The following MMP9 variants were observed in gnomAD, a reference collection of about 807,000 sequenced individuals.
MMP9 encodes the protein matrix metalloproteinase-9.
A neutral mutation model predicts 76.4 loss-of-function variants in MMP9; 73 were observed. That is an observed-to-expected ratio of 0.96 (90% CI 0.79 to 1.16). The LOEUF is 1.16. MMP9 is among the 50% of genes most tolerant of loss of function. The probability of loss-of-function intolerance (pLI) is 0.00; values close to 1 mark genes in which losing one functional copy is unlikely to be tolerated. For missense variants in MMP9, 943 were observed against 973.0 expected, an observed-to-expected ratio of 0.97 and a Z score of 0.41; for synonymous variants, 412 against 408.4, an observed-to-expected ratio of 1.01 and a Z score of -0.11.
In MMP9 at chr20:46,013,828, T is replaced by C. The variant is rs533464744; in HGVS notation, c.1750+32T>C. On this transcript the variant is annotated intron_variant, in intron 10 of 12. Transcript: ENST00000372330. The surrounding 1 kb of genome is among the most constrained non-coding windows in gnomAD (Gnocchi z 4.5). ...TACCTACTTTCCCTCCCCCGCCCGG[T>C]CAATCCCCATCAGTCAAGGAGGCTC... The C allele has an allele frequency of 8.7e-6, 14 of 1,610,524 alleles. No homozygotes were observed. In the South Asian group the frequency reaches 1.4e-4, roughly 17 times the overall value.
Position 46,012,291 on chromosome 20 carries a change from G to A in MMP9, c.1152G>A (p.Lys384=). 6.2e-7 allele frequency: 1 copy of A among 1,613,698 alleles called. No individual in the cohort carries two copies. ...ATTSNFDSDK[K]WGFCPDQGYS... ...CCTCGAACTTTGACAGCGACAAGAA[G>A]TGGGGCTTCTGCCCGGACCAAGGTA... Residue 384 remains lysine (K), a synonymous_variant, in exon 7 of 13, where the codon AAG becomes AAA. Coordinates refer to ENST00000372330, the MANE Select transcript of MMP9 (RefSeq NM_004994.3).
intron 1 of MMP9, 44 bp downstream of exon 1, chr20:46,009,108 G>A (rs1204147336): frequency 1.9e-6 from 3 of 1,601,386 alleles, no homozygotes; most frequent in Non-Finnish European, 2.6e-6. Context: ...CTGTCCGTGA[G>A]GGTGTTGAGT....
intron 2 of MMP9, 36 bp from the exon 3 acceptor site, chr20:46,010,447 A>T: frequency 6.2e-7 from 1 of 1,612,072 alleles, no homozygotes; most frequent in East Asian, 2.2e-5. Context: ...CCAGCCTTTC[A>T]CTTCTGACCT....
rs200919796 is a variant in MMP9, at chr20:46,013,376, C to T, written c.1452C>T (p.Gly484=). The T allele has an allele frequency of 3.0e-5, 48 of 1,611,838 alleles. No individual in the cohort carries two copies. The East Asian group carries it at 8.5e-4, about 28-fold the overall frequency. Residue 484 remains glycine, a synonymous_variant, in exon 9 of 13, where the codon GGC becomes GGT. Transcript: ENST00000372330. This position sits in a 1 kb window ranked among gnomAD's most constrained non-coding sequence, Gnocchi z 4.5. The stretch of plus-strand genomic sequence containing the variant: ...ACCCCTCAGAGCGCCCCACAGCTGG[C>T]CCCACAGGTCCCCCCTCAGCTGGCC... ...TVHPSERPTA[G]PTGPPSAGPT... is the part of the protein sequence containing the mutation.
intron 8 of MMP9, 74 bp downstream of exon 8, chr20:46,012,656 T>TTGGGGGGTG: frequency 2.1e-6 from 2 of 969,062 alleles, no homozygotes; most frequent in Non-Finnish European, 2.9e-6. Context: ...AATTGGGGGT[T>TTGGGGGGTG]GGGGATCGGG....
intron 5 of MMP9, 26 bp downstream of exon 5, chr20:46,011,342 T>TG: frequency 6.3e-7 from 1 of 1,596,236 alleles, no homozygotes; most frequent in Non-Finnish European, 8.5e-7. Flanking sequence ...CGCCGAGGGC[T>TG]GGGGGCGCCC....
At chr20:46,010,165 T>C in intron 2 of MMP9, 67 bp downstream of exon 2, 2 of 1,403,364 alleles carry the variant, frequency 1.4e-6, no homozygotes, top group South Asian at 1.3e-5. Context: ...GGGCCAGCGG[T>C]GAACATGTCC....
chr20:46,009,293 TG>T (rs1409686491), intron 1 of MMP9, among the ~76,000 whole-genome samples: 1 of 150,710 alleles, frequency 6.6e-6, no homozygotes, highest in Non-Finnish European at 1.5e-5. Flanking sequence ...AAATGGGAAA[TG>T]GTTTGGGGTG....
rs1028057428 is a variant in MMP9 at position 46,016,384 on chromosome 20, T to G, written c.*16T>G. The G allele has an allele frequency of 3.1e-6, 5 of 1,603,894 alleles. No individual in the cohort carries two copies. Among genetic ancestry groups the G allele is most frequent in the Middle Eastern group, 1.7e-4 (1 of 6,036 alleles). ...TGAGGACTAGGGCTCCCGTCCTGCTTTGGCAGTGCCATGTAAATCCCCACT... is the reference window on the plus strand; with the variant it reads ...TGAGGACTAGGGCTCCCGTCCTGCTGTGGCAGTGCCATGTAAATCCCCACT... On this transcript the variant is annotated 3_prime_UTR_variant, in exon 13 of 13. Coordinates refer to ENST00000372330, the MANE Select transcript of MMP9 (RefSeq NM_004994.3).
Position 46,011,744 on chromosome 20 carries a change from C to G in MMP9, c.994C>G (p.Arg332Gly), listed in dbSNP as rs200477815. 1.7e-5 allele frequency: 28 copies of G among 1,610,606 alleles called. No individual in the cohort carries two copies. Among genetic ancestry groups the G allele is most frequent in the Admixed American group, 6.7e-5 (4 of 59,936 alleles). ...CAAGCTCTTCGGCTTCTGCCCGACC[C>G]GAGGTACCTCCACCCTGTCTACCAG... ...RDKLFGFCPT[R>G]ADSTVMGGNS... The change falls in exon 6 of 13, where the codon CGA becomes GGA. Residue 332 changes from arginine (R) to glycine (G), a missense_variant. Physicochemically the swap from Arg to Gly is moderately radical, Grantham distance 125. Transcript: ENST00000372330.
chr20:46,014,324 C>A lies in MMP9; in HGVS notation c.1902-47C>A, dbSNP rs563773373. The A allele has an allele frequency of 5.8e-6, 9 of 1,540,026 alleles. No homozygotes were observed. In the Admixed American group the frequency reaches 5.9e-5, roughly 10 times the overall value. ...AGGGGGAGCCCGGGCGCCGTCGGTC[C>A]GTCCGCTAGCCGGCTCAGCACCTGT... On this transcript the variant is annotated intron_variant, in intron 11 of 12. Coordinates refer to ENST00000372330, the MANE Select transcript of MMP9 (RefSeq NM_004994.3).
rs2084279974 is a variant in MMP9, at chr20:46,011,651, G to A, written c.901G>A (p.Ala301Thr). The A allele has an allele frequency of 1.2e-6, 2 of 1,613,684 alleles. No individual in the cohort carries two copies. The highest frequency in any genetic ancestry group is 2.7e-5 in the African/African-American group (2 of 74,774). ...PFIFQGQSYS[A>T]CTTDGRSDGY... ...CATCTTCCAAGGCCAATCCTACTCC[G>A]CCTGCACCACGGACGGTCGCTCCGA... The change falls in exon 6 of 13, where the codon GCC (alanine) becomes ACC (threonine). Residue 301 changes from alanine (A) to threonine (T), a missense_variant. Coordinates refer to ENST00000372330, the MANE Select transcript of MMP9 (RefSeq NM_004994.3).
rs200669532 is a variant in MMP9 at position 46,009,092 on chromosome 20, G to A, written c.138+28G>A. 167 of 1,610,834 alleles carry A rather than the reference G, an allele frequency of 1.0e-4. 2 individuals are homozygous for A. In the African/African-American group the frequency reaches 2.1e-3, roughly 20 times the overall value. Reference sequence around the variant, plus strand: ...GGGCAAACACCTAGTCTAGAGTTGGGGAGGGCTGTCCGTGAGGGTGTTGAG... The same window carrying A: ...GGGCAAACACCTAGTCTAGAGTTGGAGAGGGCTGTCCGTGAGGGTGTTGAG... On this transcript the variant is annotated intron_variant, in intron 1 of 12. Coordinates refer to ENST00000372330, the MANE Select transcript of MMP9 (RefSeq NM_004994.3).
rs201902138 is a variant in MMP9, at chr20:46,010,558, C to T, written c.447C>T (p.Ser149=). 1.2e-5 allele frequency: 19 copies of T among 1,614,094 alleles called. 1 individual carries two copies. The South Asian group carries it at 1.9e-4, about 16-fold the overall frequency. ...TTGCCCGCGCCTTCGCACTGTGGAG[C>T]GCGGTGACGCCGCTCACCTTCACTC... ...DAFARAFALW[S]AVTPLTFTRV... is the part of the protein sequence containing the mutation. Residue 149 remains serine (S), a synonymous_variant, in exon 3 of 13, where the codon AGC becomes AGT. Coordinates refer to ENST00000372330, the MANE Select transcript of MMP9 (RefSeq NM_004994.3).
At position 46,012,233 on chromosome 20, in the gene MMP9, GC is replaced by G. The variant is rs1568847876; in HGVS notation, c.1096del (p.Arg366AlafsTer44). 3.7e-6 allele frequency: 6 copies of G among 1,613,992 alleles called. No individual in the cohort carries two copies. Among genetic ancestry groups the G allele is most frequent in the Non-Finnish European group, 5.1e-6 (6 of 1,180,066 alleles). On this transcript the variant is annotated frameshift_variant, in exon 7 of 13. Transcript: ENST00000372330. LOFTEE classifies it high-confidence loss of function. ...GAGTACTCGACCTGTACCAGCGAGGGCCGCGGAGATGGGCGCCTCTGGTGCG... is the reference window on the plus strand; with the variant it reads ...GAGTACTCGACCTGTACCAGCGAGGGCGCGGAGATGGGCGCCTCTGGTGCG... The part of the protein sequence containing the change: ...GKEYSTCTSE[G>X]RGDGRLWCAT...
At chr20:46,015,453 C>CTTT (rs199508388) in intron 12 of MMP9, among the ~76,000 whole-genome samples, 4 of 125,594 alleles carry the variant, frequency 3.2e-5, no homozygotes, top group East Asian at 2.4e-4. Context: ...TTTCTTTTTT[C>CTTT]TTTTTTTTTT....
At position 46,011,402 on chromosome 20, in the gene MMP9, G is replaced by C; in HGVS notation, c.823+86G>C. ...TAATTCCAGCTCTGCCACTAGTGCTGTGTGGCCTGCAATTCACCCTCCCGC... is the reference window on the plus strand; with the variant it reads ...TAATTCCAGCTCTGCCACTAGTGCTCTGTGGCCTGCAATTCACCCTCCCGC... On this transcript the variant is annotated intron_variant, in intron 5 of 12. Transcript: ENST00000372330. 5 of 1,574,312 alleles carry C rather than the reference G, an allele frequency of 3.2e-6. No individual in the cohort carries two copies. The South Asian group carries it at 5.6e-5, about 18-fold the overall frequency.
At chr20:46,011,431 C>G in intron 5 of MMP9, 115 bp downstream of exon 5, 1 of 1,568,710 alleles carries the variant, frequency 6.4e-7, no homozygotes, top group South Asian at 1.1e-5. Flanking sequence ...CTCCCGCACT[C>G]TGGGCCCAAT....
Position 46,012,175 on chromosome 20 carries a change from C to T in MMP9, c.1036C>T (p.Leu346=). ...TVMGGNSAGE[L]CVFPFTFLGK... ...GATGGGGGGCAACTCGGCGGGGGAG[C>T]TGTGCGTCTTCCCCTTCACTTTCCT... is the stretch of plus-strand genomic sequence containing the variant. The change falls in exon 7 of 13, where the codon CTG becomes TTG. Residue 346 remains leucine (L), a synonymous_variant. Transcript: ENST00000372330. 5 of 1,614,124 alleles carry T rather than the reference C, an allele frequency of 3.1e-6. No homozygotes were observed. Among genetic ancestry groups the T allele is most frequent in the Non-Finnish European group, 4.2e-6 (5 of 1,180,040 alleles).
Sources: gnomAD v4.1 joint callset for allele counts (sites outside exome capture counted in the v4.1 genomes callset) on GRCh38, gnomAD v4.1.1 for gene constraint, Gnocchi (gnomAD v3.1) non-coding constraint, MANE v1.5 for transcripts, NCBI Gene and HGNC (gene_info 2026-07-23, HGNC 2026-07-21) for gene names.